The following LYPD6 variants were observed in gnomAD, a reference collection of about 807,000 sequenced individuals.
LYPD6 encodes the protein LY6/PLAUR domain containing 6, also known as ly6/PLAUR domain-containing protein 6.
LYPD6 carries 15 observed loss-of-function variants against 22.7 expected under a neutral mutation model. That is an observed-to-expected ratio of 0.66 (90% CI 0.44 to 1.02). The LOEUF is 1.02. LYPD6 is among the 50% of genes least tolerant of loss of function. The probability of loss-of-function intolerance (pLI) is 0.00; values close to 1 mark genes in which losing one functional copy is unlikely to be tolerated. For synonymous variants in LYPD6, 72 were observed against 77.5 expected, an observed-to-expected ratio of 0.93 and a Z score of 0.37; for missense variants, 189 against 208.4, an observed-to-expected ratio of 0.91 and a Z score of 0.57.
At chr2:149,428,392 G>A (rs924508953) in intron 1 of LYPD6, among the ~76,000 whole-genome samples, 2 of 152,120 alleles carry the variant, frequency 1.3e-5, no homozygotes, top group Admixed American at 6.5e-5. Context: ...GGCCAGAAAT[G>A]CAAGGGTTGA....
intron 1 of LYPD6, among the ~76,000 whole-genome samples, chr2:149,377,870 A>G (rs1219256784): frequency 7.3e-6 from 1 of 136,936 alleles, no homozygotes; most frequent in Non-Finnish European, 1.5e-5. Flanking sequence ...TGCTGGCTTT[A>G]TCATTACTCT....
intron 1 of LYPD6, among the ~76,000 whole-genome samples, chr2:149,419,257 A>C (rs1326150386): frequency 1.3e-5 from 2 of 152,324 alleles, no homozygotes; most frequent in South Asian, 4.2e-4. Flanking sequence ...CAGGCCCAGA[A>C]TATCTCCCAT....
intron 1 of LYPD6, among the ~76,000 whole-genome samples, chr2:149,340,810 T>G (rs1034626467): frequency 2.6e-5 from 4 of 152,176 alleles, no homozygotes; most frequent in African/African-American, 9.7e-5. Flanking sequence ...AAATAAACAT[T>G]CAAGAATTCT....
intron 1 of LYPD6, among the ~76,000 whole-genome samples, chr2:149,376,432 G>A (rs1681923649): frequency 6.6e-6 from 1 of 152,110 alleles, no homozygotes; most frequent in South Asian, 2.1e-4. Context: ...GCTCAGTAGG[G>A]GGGTCTTCCT....
chr2:149,432,574 C>T (rs1280942214), intron 1 of LYPD6, among the ~76,000 whole-genome samples: 1 of 152,176 alleles, frequency 6.6e-6, no homozygotes, highest in Non-Finnish European at 1.5e-5. Flanking sequence ...GATGACTTGT[C>T]TCTTTCTCCT....
At chr2:149,398,700 T>G (rs1194792242) in intron 1 of LYPD6, among the ~76,000 whole-genome samples, 2 of 151,950 alleles carry the variant, frequency 1.3e-5, no homozygotes, top group African/African-American at 4.8e-5. Flanking sequence ...CGACCTGAAT[T>G]GAACTCTGAG....
intron 1 of LYPD6, among the ~76,000 whole-genome samples, chr2:149,383,287 C>T (rs1025200697): frequency 4.6e-5 from 7 of 152,060 alleles, no homozygotes; most frequent in African/African-American, 1.4e-4. Context: ...GGGTCAAAAA[C>T]AGAGTGTTCA....
chr2:149,458,001 G>C (rs1009543978), intron 3 of LYPD6, among the ~76,000 whole-genome samples: 2 of 152,212 alleles, frequency 1.3e-5, no homozygotes, highest in Admixed American at 1.3e-4. Context: ...CTCTCTAGCA[G>C]AAGGACCAGG....
chr2:149,354,906 G>C (rs1012861343), intron 1 of LYPD6, among the ~76,000 whole-genome samples: 1 of 152,176 alleles, frequency 6.6e-6, no homozygotes, highest in Non-Finnish European at 1.5e-5. Context: ...AGATTTGTTT[G>C]CCTTGAAAGC....
chr2:149,456,788 G>GT (rs1279913521), intron 3 of LYPD6, among the ~76,000 whole-genome samples: 1 of 152,178 alleles, frequency 6.6e-6, no homozygotes, highest in Non-Finnish European at 1.5e-5. Flanking sequence ...TCATTCGGTG[G>GT]TTTTTTATGG....
At chr2:149,417,986 C>T (rs372289059) in intron 1 of LYPD6, among the ~76,000 whole-genome samples, 50 of 152,186 alleles carry the variant, frequency 3.3e-4, no homozygotes, top group African/African-American at 1.2e-3. Flanking sequence ...TGAGTTACTA[C>T]TGGGAGATGT....
intron 3 of LYPD6, among the ~76,000 whole-genome samples, chr2:149,464,664 T>C (rs1681162788): frequency 6.6e-6 from 1 of 152,172 alleles, no homozygotes; most frequent in African/African-American, 2.4e-5. Context: ...CAGTCAGGAT[T>C]CCTTGACAAT....
intron 1 of LYPD6, among the ~76,000 whole-genome samples, chr2:149,353,485 G>A (rs758182059): frequency 7.2e-5 from 11 of 152,118 alleles, no homozygotes; most frequent in Non-Finnish European, 8.8e-5. Flanking sequence ...GTGTAATTAT[G>A]GTAGCTCTTC....
intron 1 of LYPD6, among the ~76,000 whole-genome samples, chr2:149,345,174 G>A (rs1399366584): frequency 6.6e-6 from 1 of 152,018 alleles, no homozygotes; most frequent in African/African-American, 2.4e-5. Context: ...TATACTTATT[G>A]TTGCATGTCG....
At chr2:149,441,023 A>G (rs1573810668) in intron 2 of LYPD6, among the ~76,000 whole-genome samples, 1 of 152,164 alleles carries the variant, frequency 6.6e-6, no homozygotes, top group East Asian at 1.9e-4. Context: ...CCACTTTTAA[A>G]TCAGTATTAA....
chr2:149,440,801 T>C (rs962481070), intron 2 of LYPD6, among the ~76,000 whole-genome samples: 2 of 148,766 alleles, frequency 1.3e-5, no homozygotes, highest in African/African-American at 2.5e-5. Context: ...CCTGGGTTCA[T>C]GCCATTCTCC....
At chr2:149,440,856 A>T (rs1683550137) in intron 2 of LYPD6, among the ~76,000 whole-genome samples, 1 of 142,940 alleles carries the variant, frequency 7.0e-6, no homozygotes, top group Non-Finnish European at 1.5e-5. Flanking sequence ...GCCCACCACC[A>T]GGCCTGACTA....
chr2:149,479,314 A>G, the LYPD6 span, among the ~76,000 whole-genome samples: 1 of 152,156 alleles, frequency 6.6e-6, no homozygotes, highest in Admixed American at 6.5e-5. Flanking sequence ...CCCATTCTAT[A>G]ATCTTTCCTA....
intron 1 of LYPD6, among the ~76,000 whole-genome samples, chr2:149,377,339 A>G (rs766909172): frequency 7.7e-4 from 117 of 151,926 alleles, no homozygotes; most frequent in Non-Finnish European, 5.5e-4. Flanking sequence ...CTGCCAAGCA[A>G]GTCCCAGGTT....
Sources: allele counts gnomAD v4.1 joint callset (sites outside exome capture counted in the v4.1 genomes callset), GRCh38; gene constraint gnomAD v4.1.1; transcripts MANE v1.5; gene names NCBI Gene and HGNC (gene_info 2026-07-23, HGNC 2026-07-21).